The following ZNF419 variants were observed in gnomAD, a reference collection of about 807,000 sequenced individuals.
The protein encoded by ZNF419 is zinc finger protein 419A.
ZNF419 carries 8 observed loss-of-function variants against 14.9 expected under a neutral mutation model. The observed-to-expected ratio is 0.54, with a 90% confidence interval of 0.32 to 0.97. ZNF419 has a LOEUF of 0.97. ZNF419 is among the 50% of genes least tolerant of loss of function. The pLI, the probability that ZNF419 is intolerant of heterozygous loss-of-function variation, is 0.04. For missense variants in ZNF419, 595 were observed against 607.2 expected (o/e 0.98, Z 0.21); for synonymous variants, 211 against 205.3 (o/e 1.03, Z -0.24).
chr19:57,488,370 G>C (rs2019475), intron 1 of ZNF419: 1 of 276,230 alleles, frequency 3.6e-6, no homozygotes, highest in African/African-American at 2.3e-5. Flanking sequence ...TGGGGTGGGG[G>C]TGAGGCGGGT....
chr19:57,492,833 CT>C lies in ZNF419; in HGVS notation c.299-21del, dbSNP rs751536972. The C allele has an allele frequency of 1.3e-5, 21 of 1,613,258 alleles. No individual in the cohort carries two copies. In the Admixed American group the frequency reaches 3.5e-4, roughly 27 times the overall value. On this transcript the variant is annotated intron_variant, in intron 4 of 4. Transcript: ENST00000221735. ...CTCACACCAAAGTCTACATTTACTT[CT>C]TCAACATTTATCTTCTGTCAGGTTG...
At chr19:57,488,185 C>T in intron 1 of ZNF419, 2 of 742,670 alleles carry the variant, frequency 2.7e-6, no homozygotes, top group South Asian at 1.9e-5. Context: ...AACCTGAGGC[C>T]TCCTGGTGTC....
chr19:57,495,190 G>T lies in ZNF419; in HGVS notation c.*1100G>T, dbSNP rs1055877892. 1 of 151,864 alleles carries T rather than the reference G, an allele frequency of 6.6e-6. No homozygotes were observed. Among genetic ancestry groups the T allele is most frequent in the Admixed American group, 6.6e-5 (1 of 15,258 alleles). 9.4% of individuals were successfully genotyped at this position (151,864 alleles called of 1,614,324 possible). ...TTCTTTTTTAAAATTTAGAGATGAGGTCGTGCTATGTTGCACAGACTAGTC... is the reference window on the plus strand; with the variant it reads ...TTCTTTTTTAAAATTTAGAGATGAGTTCGTGCTATGTTGCACAGACTAGTC... On this transcript the variant is annotated 3_prime_UTR_variant, in exon 5 of 5. Coordinates refer to ENST00000221735, the MANE Select transcript of ZNF419 (RefSeq NM_024691.4).
At position 57,494,580 on chromosome 19, in the gene ZNF419, A is replaced by G. The variant is rs910404434; in HGVS notation, c.*490A>G. The G allele has an allele frequency of 6.1e-6, 1 of 165,092 alleles. No homozygotes were observed. The highest frequency in any genetic ancestry group is 1.3e-5 in the Non-Finnish European group (1 of 77,154). The allele number at this position is 165,092 out of a possible 1,614,324, so 10.2% of individuals were successfully genotyped here. ...CGCTGAGTTTGGAGTTGGGGGAGGA[A>G]AGGAGTGGTCTTGGTTCAAATGTGA... On this transcript the variant is annotated 3_prime_UTR_variant, in exon 5 of 5. Transcript: ENST00000221735.
Position 57,491,487 on chromosome 19 carries a change from A to G in ZNF419, c.89A>G (p.Glu30Gly), listed in dbSNP as rs572166534. 6.2e-7 allele frequency: 1 copy of G among 1,614,072 alleles called. No individual in the cohort carries two copies. Among genetic ancestry groups the G allele is most frequent in the South Asian group, 1.1e-5 (1 of 91,070 alleles). Residue 30 changes from glutamate (E) to glycine (G), a missense_variant, in exon 3 of 5, where the codon GAG (glutamate) becomes GGG (glycine). Coordinates refer to ENST00000221735, the MANE Select transcript of ZNF419 (RefSeq NM_024691.4). ...TDHEEGYVTFEDVAVYFSQEE... is the reference protein window; with the variant it reads ...TDHEEGYVTFGDVAVYFSQEE... The stretch of plus-strand genomic sequence containing the variant: ...TCTTAGCAGGGCTATGTGACCTTTG[A>G]GGATGTGGCTGTCTACTTCTCCCAG...
At position 57,494,044 on chromosome 19, in the gene ZNF419, C is replaced by G; in HGVS notation, c.1487C>G (p.Ser496Cys). 1.9e-6 allele frequency: 3 copies of G among 1,612,226 alleles called. No individual in the cohort carries two copies. The highest frequency in any genetic ancestry group is 2.5e-6 in the Non-Finnish European group (3 of 1,179,364). The change falls in exon 5 of 5, where the codon TCC becomes TGC. Residue 496 changes from serine to cysteine, a missense_variant. By Grantham distance (112) the Ser-to-Cys change is moderately radical. Transcript: ENST00000221735. ...RECGKFFRHN[S>C]SLFKHRRIHT... ...TGTGGGAAGTTTTTTCGCCACAACT[C>G]CAGTCTTTTTAAACATCGAAGGATT...
At position 57,495,224 on chromosome 19, in the gene ZNF419, C is replaced by T. The variant is rs550990832; in HGVS notation, c.*1134C>T. ...TGTTGCACAGACTAGTCTCTAACTC[C>T]TGGCCTCAAGTGATCATCCTGCCTC... On this transcript the variant is annotated 3_prime_UTR_variant, in exon 5 of 5. Coordinates refer to ENST00000221735, the MANE Select transcript of ZNF419 (RefSeq NM_024691.4). The T allele has an allele frequency of 2.6e-5, 4 of 152,288 alleles. No individual in the cohort carries two copies. Among genetic ancestry groups the T allele is most frequent in the African/African-American group, 9.6e-5 (4 of 41,554 alleles). The allele number at this position is 152,288 out of a possible 1,614,324, so 9.4% of individuals were successfully genotyped here. A position where few individuals can be genotyped will look rare whatever the true frequency, so the allele number is the denominator to read the frequency against.
chr19:57,490,014 T>TA (rs2089446927), intron 1 of ZNF419, 133 bp from the exon 2 acceptor site: 2 of 760,390 alleles, frequency 2.6e-6, no homozygotes, highest in Admixed American at 2.1e-5. Context: ...ACACAACAGG[T>TA]AAGAGGCATC....
At chr19:57,489,119 A>G (rs552466923) in intron 1 of ZNF419, 1 of 152,402 alleles carries the variant, frequency 6.6e-6, no homozygotes, top group Admixed American at 6.5e-5. Flanking sequence ...TCAGCACAGG[A>G]GGGATGATCA....
At position 57,494,677 on chromosome 19, in the gene ZNF419, C is replaced by A. The variant is rs567190283; in HGVS notation, c.*587C>A. ...TTTATTTCCCATACACCCTTATGACCATTTCCAGAGACTGAATTGTGTTTT... is the reference window on the plus strand; with the variant it reads ...TTTATTTCCCATACACCCTTATGACAATTTCCAGAGACTGAATTGTGTTTT... On this transcript the variant is annotated 3_prime_UTR_variant, in exon 5 of 5. Transcript: ENST00000221735. The A allele has an allele frequency of 5.7e-6, 1 of 174,410 alleles. No homozygotes were observed. The highest frequency in any genetic ancestry group is 1.8e-4 in the South Asian group (1 of 5,638). The allele number at this position is 174,410 out of a possible 1,614,324, so 10.8% of individuals were successfully genotyped here. A position where few individuals can be genotyped will look rare whatever the true frequency, so the allele number is the denominator to read the frequency against.
Position 57,493,144 on chromosome 19 carries a change from T to G in ZNF419, c.587T>G (p.Phe196Cys). 1 of 1,614,184 alleles carries G rather than the reference T, an allele frequency of 6.2e-7. No homozygotes were observed. The highest frequency in any genetic ancestry group is 8.5e-7 in the Non-Finnish European group (1 of 1,180,044). ...SHRSSKSREA[F>C]HAGKRHYKCS... ...AGGAGCTCCAAAAGTAGGGAGGCCT[T>G]TCATGCTGGAAAAAGGCATTACAAA... The change falls in exon 5 of 5, where the codon TTT becomes TGT. Residue 196 changes from phenylalanine (F) to cysteine (C), a missense_variant. Phe to Cys is a radical substitution (Grantham distance 205). Transcript: ENST00000221735.
intron 2 of ZNF419, 28 bp from the exon 3 acceptor site, chr19:57,491,443 A>T (rs569798581): frequency 6.2e-7 from 1 of 1,609,726 alleles, no homozygotes; most frequent in South Asian, 1.1e-5. Flanking sequence ...GAGGCTGCAG[A>T]TAAACTCTAC....
At position 57,495,844 on chromosome 19, in the gene ZNF419, AC is replaced by A. The variant is rs2089603294; in HGVS notation, c.*1755del. 1 of 151,554 alleles carries A rather than the reference AC, an allele frequency of 6.6e-6. No individual in the cohort carries two copies. The highest frequency in any genetic ancestry group is 1.5e-5 in the Non-Finnish European group (1 of 67,988). The allele number at this position is 151,554 out of a possible 1,614,324, so 9.4% of individuals were successfully genotyped here. ...AACTTCTGAAATATTTGTAGGTTTA[AC>A]TACAAATAAATAATTCAATATATAG... On this transcript the variant is annotated 3_prime_UTR_variant, in exon 5 of 5. Transcript: ENST00000221735.
At chr19:57,488,203 G>A in intron 1 of ZNF419, 1 of 652,192 alleles carries the variant, frequency 1.5e-6, no homozygotes, top group South Asian at 2.2e-5. Flanking sequence ...GTCTGTAGTG[G>A]GCAGCTTGGG....
chr19:57,493,602 G>A lies in ZNF419; in HGVS notation c.1045G>A (p.Gly349Arg). ...GERPYKCSEC[G>R]KFYSHKSNLI... ...AAGACCTTATAAGTGCAGTGAATGT[G>A]GAAAATTCTATAGCCACAAGTCCAA... The change falls in exon 5 of 5, where the codon GGA (glycine) becomes AGA (arginine). Residue 349 changes from glycine to arginine, a missense_variant. Coordinates refer to ENST00000221735, the MANE Select transcript of ZNF419 (RefSeq NM_024691.4). 1 of 1,614,126 alleles carries A rather than the reference G, an allele frequency of 6.2e-7. No individual in the cohort carries two copies. Among genetic ancestry groups the A allele is most frequent in the South Asian group, 1.1e-5 (1 of 91,084 alleles).
chr19:57,490,417 C>G (rs531535089), intron 2 of ZNF419: 20 of 301,332 alleles, frequency 6.6e-5, no homozygotes, highest in Non-Finnish European at 9.7e-5. Flanking sequence ...TGCAAAGGCG[C>G]GATCTCGGCT....
rs752279577 is a variant in ZNF419, at chr19:57,491,476, T to C, written c.78T>C (p.Tyr26=). 1.2e-6 allele frequency: 2 copies of C among 1,614,102 alleles called. No homozygotes were observed. The highest frequency in any genetic ancestry group is 1.7e-5 in the Admixed American group (1 of 60,012). Residue 26 remains tyrosine (Y), a synonymous_variant, in exon 3 of 5, where the codon TAT becomes TAC. Transcript: ENST00000221735. The part of the protein sequence containing the change: ...ADLLTDHEEG[Y]VTFEDVAVYF... ...TACTCTGTCCATCTTAGCAGGGCTA[T>C]GTGACCTTTGAGGATGTGGCTGTCT...
chr19:57,492,830 C>A (rs1366646664), intron 4 of ZNF419, 26 bp from the exon 5 acceptor site: 2 of 1,613,340 alleles, frequency 1.2e-6, no homozygotes, highest in Non-Finnish European at 1.7e-6. Context: ...TCTACATTTA[C>A]TTCTTCAACA....
In ZNF419 at chr19:57,487,753, A is replaced by G. The variant is rs111473875; in HGVS notation, c.-198A>G. 3.7e-3 allele frequency: 2,519 copies of G among 686,118 alleles called. 48 individuals carry two copies. The African/African-American group carries it at 0.038, about 10-fold the overall frequency. 42.5% of individuals were successfully genotyped at this position (686,118 alleles called of 1,614,324 possible). A position where few individuals can be genotyped will look rare whatever the true frequency, so the allele number is the denominator to read the frequency against. ...CGGGACTTCCGGCGTCTCGTTTGGT[A>G]TTCACTTTCGCGACTCAGGTGAACT... On this transcript the variant is annotated 5_prime_UTR_variant, in exon 1 of 5. Coordinates refer to ENST00000221735, the MANE Select transcript of ZNF419 (RefSeq NM_024691.4).
Sources: allele counts gnomAD v4.1 joint callset, GRCh38; gene constraint gnomAD v4.1.1; transcripts MANE v1.5; gene names NCBI Gene and HGNC (gene_info 2026-07-23, HGNC 2026-07-21).